EPC1: variants seen among roughly 807,000 people sequenced by gnomAD.
EPC1 encodes the protein enhancer of polycomb homolog 1.
EPC1 carries 12 observed loss-of-function variants against 98.4 expected under a neutral mutation model. That is an observed-to-expected ratio of 0.12 (90% CI 0.08 to 0.20). The LOEUF is 0.20. Among genes scored for constraint, EPC1 ranks in the 10% least tolerant of loss-of-function variants. EPC1 has a pLI of 1.00. For missense variants in EPC1, 729 were observed against 990.5 expected (o/e 0.74, Z 3.54); for synonymous variants, 357 against 363.9 (o/e 0.98, Z 0.21).
At chr10:32,304,735 C>A (rs1487494977) in intron 2 of EPC1, among the ~76,000 whole-genome samples, 2 of 151,866 alleles carry the variant, frequency 1.3e-5, no homozygotes, top group African/African-American at 4.8e-5. Flanking sequence ...GCCTGACCAA[C>A]ATGGAGAAAC....
intron 1 of EPC1, 93 bp downstream of exon 1, chr10:32,346,670 G>A (rs1838845210): frequency 1.6e-6 from 2 of 1,228,046 alleles, no homozygotes; most frequent in Admixed American, 1.9e-5. Context: ...AGAAGATGGC[G>A]GCCATTTTGT....
chr10:32,371,960 A>T (rs984859013), intron 1 of EPC1, among the ~76,000 whole-genome samples: 2 of 152,130 alleles, frequency 1.3e-5, no homozygotes. Flanking sequence ...CACCTTTTCA[A>T]TCAGCCTACC....
intron 13 of EPC1, among the ~76,000 whole-genome samples, chr10:32,270,654 G>A (rs1207020709): frequency 1.3e-5 from 2 of 151,650 alleles, no homozygotes; most frequent in East Asian, 1.9e-4. Flanking sequence ...GTGAAACCCC[G>A]TCCCTGCTAA....
At chr10:32,326,297 A>G (rs1164610853) in intron 1 of EPC1, among the ~76,000 whole-genome samples, 1 of 152,162 alleles carries the variant, frequency 6.6e-6, no homozygotes, top group African/African-American at 2.4e-5. Flanking sequence ...ATTGTAAGTC[A>G]AAGTGACCTA....
chr10:32,300,887 C>G (rs1835483959), intron 2 of EPC1, among the ~76,000 whole-genome samples: 1 of 152,020 alleles, frequency 6.6e-6, no homozygotes, highest in Non-Finnish European at 1.5e-5. Context: ...TGTTACAGGG[C>G]CATCTTGTAC....
chr10:32,315,517 T>C (rs1836501157), intron 1 of EPC1, among the ~76,000 whole-genome samples: 1 of 152,202 alleles, frequency 6.6e-6, no homozygotes, highest in Non-Finnish European at 1.5e-5. Context: ...AAAGCAACAA[T>C]ATCATACAAA....
chr10:32,289,660 GTAGC>G (rs1836888638), intron 6 of EPC1, among the ~76,000 whole-genome samples: 1 of 149,416 alleles, frequency 6.7e-6, no homozygotes. Context: ...GTCTCGCACT[GTAGC>G]CCAAGCTGGA....
At chr10:32,311,047 A>T (rs1382439265) in intron 1 of EPC1, among the ~76,000 whole-genome samples, 1 of 152,192 alleles carries the variant, frequency 6.6e-6, no homozygotes, top group Non-Finnish European at 1.5e-5. Context: ...ACGGTGGCTC[A>T]CGCCTGTAAT....
intron 1 of EPC1, among the ~76,000 whole-genome samples, chr10:32,353,419 A>G (rs865956449): frequency 6.6e-6 from 1 of 152,162 alleles, no homozygotes; most frequent in African/African-American, 2.4e-5. Context: ...TCTTTTTCTG[A>G]GCCAGGCAGG....
At chr10:32,347,277 C>T (rs557178031), upstream of EPC1, 2 of 975,876 alleles carry the variant, frequency 2.0e-6, no homozygotes, top group Non-Finnish European at 2.6e-6. Flanking sequence ...CGCGTCCCGC[C>T]AACCCCCGGC....
intron 1 of EPC1, among the ~76,000 whole-genome samples, chr10:32,338,861 C>T (rs1348726449): frequency 1.3e-5 from 2 of 151,324 alleles, no homozygotes; most frequent in Non-Finnish European, 2.9e-5. Flanking sequence ...AGCCTGGAGC[C>T]CAGGAGGCTG....
chr10:32,320,539 C>G (rs2479339), intron 1 of EPC1, among the ~76,000 whole-genome samples: 129,504 of 152,240 alleles, frequency 0.85, 55,189 homozygotes, highest in East Asian at 0.96. Context: ...ATGCCAAAAT[C>G]CATTATGATC....
rs1243235473 is a variant in EPC1 at position 32,271,608 on chromosome 10, G to A, written c.2315C>T (p.Ala772Val). Residue 772 changes from alanine to valine, a missense_variant, in exon 13 of 14, where the codon GCA (alanine) becomes GTA (valine). Physicochemically the swap from Ala to Val is moderately conservative, Grantham distance 64. Around this residue, in one of 6 missense-constraint regions of EPC1, gnomAD observed 156 missense variants for 188.9 expected, o/e 0.83. Transcript: ENST00000319778. ...PSSALKLAAA[A>V]NCQVSKVPSS... Reference sequence around the variant, plus strand: ...TGGGACCTTGGAAACTTGACAGTTTGCTGCAGCGGCCAGCTTTAAGGCAGA... The same window carrying A: ...TGGGACCTTGGAAACTTGACAGTTTACTGCAGCGGCCAGCTTTAAGGCAGA... 1.2e-6 allele frequency: 2 copies of A among 1,614,090 alleles called. No homozygotes were observed. The highest frequency in any genetic ancestry group is 2.7e-5 in the African/African-American group (2 of 74,944).
intron 1 of EPC1, among the ~76,000 whole-genome samples, chr10:32,309,801 A>AT (rs1233765342): frequency 6.7e-6 from 1 of 149,890 alleles, no homozygotes; most frequent in Non-Finnish European, 1.5e-5. Flanking sequence ...TTTCTCATTT[A>AT]TTTTTTTCAA....
chr10:32,269,189 A>AAGT (rs1835715777), intron 13 of EPC1, 54 bp from the exon 14 acceptor site: 1 of 1,458,788 alleles, frequency 6.9e-7, no homozygotes, highest in African/African-American at 1.4e-5. Flanking sequence ...TATTCAGCAA[A>AAGT]TGAACATTAT....
intron 1 of EPC1, among the ~76,000 whole-genome samples, chr10:32,339,554 A>G (rs1276852766): frequency 6.6e-6 from 1 of 152,144 alleles, no homozygotes; most frequent in East Asian, 1.9e-4. Flanking sequence ...AATAGTAATA[A>G]TAATAATAAC....
chr10:32,278,790 C>T (rs987129906), intron 10 of EPC1, among the ~76,000 whole-genome samples: 1 of 152,088 alleles, frequency 6.6e-6, no homozygotes, highest in Non-Finnish European at 1.5e-5. Flanking sequence ...ATTGAGTTGA[C>T]AGGGTTCACG....
intron 10 of EPC1, among the ~76,000 whole-genome samples, chr10:32,274,420 ATCCTCC>A (rs1835981529): frequency 6.6e-6 from 1 of 152,158 alleles, no homozygotes; most frequent in African/African-American, 2.4e-5. Context: ...ATCTTTCTTT[ATCCTCC>A]AGGATATACT....
At chr10:32,325,700 G>C (rs1837232196) in intron 1 of EPC1, among the ~76,000 whole-genome samples, 1 of 151,902 alleles carries the variant, frequency 6.6e-6, no homozygotes, top group South Asian at 2.1e-4. Flanking sequence ...ATGAAAGGCT[G>C]ATTCTTCCAA....
Sources: gnomAD v4.1 joint callset for allele counts (sites outside exome capture counted in the v4.1 genomes callset) on GRCh38, gnomAD v4.1.1 for gene constraint, gnomAD v4.1.1 regional missense constraint, MANE v1.5 for transcripts, NCBI Gene and HGNC (gene_info 2026-07-23, HGNC 2026-07-21) for gene names.